ZYG11A: variants seen among roughly 807,000 people sequenced by gnomAD.
ZYG11A encodes the protein zyg-11 family member A, cell cycle regulator, also known as protein zyg-11 homolog A.
ZYG11A carries 62 observed loss-of-function variants against 77.2 expected under a neutral mutation model. The ratio of observed to expected loss-of-function variants is 0.80; its 90% CI spans 0.65 to 0.99. ZYG11A has a LOEUF of 0.99. Ranked by LOEUF, ZYG11A falls within the 50% of genes least tolerant of loss-of-function variation. The pLI is 0.00. For synonymous variants in ZYG11A, 315 were observed against 324.6 expected (o/e 0.97, Z 0.32); for missense variants, 828 against 896.8 (o/e 0.92, Z 0.98).
At position 52,878,023 on chromosome 1, in the gene ZYG11A, CTT is replaced by C. The variant is rs557026598; in HGVS notation, c.1749+55_1749+56del. On this transcript the variant is annotated intron_variant, in intron 10 of 13. Transcript: ENST00000371528. ...AATTGCTTAAAAGCAAAACCTAACA[CTT>C]ATATAGTACCTACTATATGCTAGGC... The C allele has an allele frequency of 2.8e-4, 405 of 1,424,494 alleles. 9 individuals are homozygous for C. In the South Asian group the frequency reaches 4.7e-3, roughly 16 times the overall value. 88.2% of individuals were successfully genotyped at this position (1,424,494 alleles called of 1,614,324 possible).
At chr1:52,855,142 A>T (rs1249607817) in intron 2 of ZYG11A, among the ~76,000 whole-genome samples, 1 of 150,206 alleles carries the variant, frequency 6.7e-6, no homozygotes, top group Non-Finnish European at 1.5e-5. Flanking sequence ...GATTACAGAC[A>T]TGAGCCACTG....
chr1:52,865,397 T>A (rs1646006450), intron 5 of ZYG11A, among the ~76,000 whole-genome samples: 1 of 152,216 alleles, frequency 6.6e-6, no homozygotes, highest in Non-Finnish European at 1.5e-5. Flanking sequence ...ATCAAAAGAT[T>A]TGAACACTTT....
At chr1:52,866,839 T>G (rs1646036378) in intron 6 of ZYG11A, among the ~76,000 whole-genome samples, 1 of 152,218 alleles carries the variant, frequency 6.6e-6, no homozygotes, top group Admixed American at 6.5e-5. Flanking sequence ...TTTCCTCATT[T>G]GTAAAATAGT....
Position 52,857,526 on chromosome 1 carries a change from A to G in ZYG11A, c.785A>G (p.Asp262Gly), listed in dbSNP as rs756548728. Reference sequence around the variant, plus strand: ...GAACTTAAATGTCTGCTTCACCTTGATATTTCTGATCACAGGCAACTCAAA... The same window carrying G: ...GAACTTAAATGTCTGCTTCACCTTGGTATTTCTGATCACAGGCAACTCAAA... ...IRELKCLLHL[D>G]ISDHRQLKSD... The change falls in exon 3 of 14, where the codon GAT (aspartate) becomes GGT (glycine). Residue 262 changes from aspartate to glycine, a missense_variant. Asp to Gly is a moderately conservative substitution (Grantham distance 94). Transcript: ENST00000371528. 6.4e-7 allele frequency: 1 copy of G among 1,552,136 alleles called. No homozygotes were observed. Among genetic ancestry groups the G allele is most frequent in the South Asian group, 1.2e-5 (1 of 84,062 alleles).
chr1:52,861,235 CTT>C (rs1389789289), intron 4 of ZYG11A, among the ~76,000 whole-genome samples: 1 of 152,118 alleles, frequency 6.6e-6, no homozygotes, highest in Non-Finnish European at 1.5e-5. Context: ...TATAGCCAAA[CTT>C]AGCTTTGGTT....
At chr1:52,884,139 C>T (rs1156866026) in intron 11 of ZYG11A, among the ~76,000 whole-genome samples, 1 of 151,546 alleles carries the variant, frequency 6.6e-6, no homozygotes, top group African/African-American at 2.4e-5. Context: ...CTCGGCCTCC[C>T]AAAGTGCTGG....
chr1:52,874,124 G>A (rs562920588), intron 8 of ZYG11A, among the ~76,000 whole-genome samples: 98,857 of 151,954 alleles, frequency 0.65, 33,295 homozygotes, highest in African/African-American at 0.79. Flanking sequence ...TTGATCAGTC[G>A]GCCACCATCT....
intron 10 of ZYG11A, among the ~76,000 whole-genome samples, chr1:52,879,568 A>G (rs1391149804): frequency 6.6e-6 from 1 of 151,856 alleles, no homozygotes; most frequent in African/African-American, 2.4e-5. Context: ...GATTATTTAT[A>G]ATGTAATCAA....
intron 8 of ZYG11A, among the ~76,000 whole-genome samples, chr1:52,873,690 T>G (rs1001805814): frequency 1.3e-5 from 2 of 152,082 alleles, no homozygotes; most frequent in Non-Finnish European, 2.9e-5. Flanking sequence ...ACTCCAAATT[T>G]GAAAGAAGTT....
chr1:52,845,635 ATTTTTTT>A (rs34141053), intron 1 of ZYG11A, among the ~76,000 whole-genome samples: 1 of 139,298 alleles, frequency 7.2e-6, no homozygotes, highest in African/African-American at 2.7e-5. Flanking sequence ...TTATTTTTGA[ATTTTTTT>A]TTTTTTTTTT....
chr1:52,855,228 G>A lies in ZYG11A; in HGVS notation c.256+598G>A, dbSNP rs541781651. Among the ~76,000 whole-genome samples, 9 of 151,826 alleles carry A rather than the reference G, an allele frequency of 5.9e-5. No individual in the cohort carries two copies. The East Asian group carries it at 1.7e-3, about 29-fold the overall frequency. On this transcript the variant is annotated intron_variant, in intron 2 of 13. Coordinates refer to ENST00000371528, the MANE Select transcript of ZYG11A (RefSeq NM_001004339.3). Reference sequence around the variant, plus strand: ...TTACCATTCTTTTCATTATGGTTATGAGTCTTACCTCCCATTGTAGCTGGG... The same window carrying A: ...TTACCATTCTTTTCATTATGGTTATAAGTCTTACCTCCCATTGTAGCTGGG...
Position 52,847,428 on chromosome 1 carries a change from G to A in ZYG11A, c.90+4455G>A, listed in dbSNP as rs369464993. Among the ~76,000 whole-genome samples, 5 of 151,514 alleles carry A rather than the reference G, an allele frequency of 3.3e-5. No homozygotes were observed. In the South Asian group the frequency reaches 8.3e-4, roughly 25 times the overall value. On this transcript the variant is annotated intron_variant, in intron 1 of 13. Transcript: ENST00000371528. The stretch of plus-strand genomic sequence containing the variant: ...TTGGTCAGGCTGGTCTCGAACTGCC[G>A]ACCTCAGGTGATCGGCCCGCCTTGG...
Position 52,877,804 on chromosome 1 carries a change from T to C in ZYG11A, c.1665T>C (p.Ile555=), listed in dbSNP as rs1646288215. The change falls in exon 9 of 14, where the codon ATT becomes ATC. Residue 555 remains isoleucine, a synonymous_variant. Transcript: ENST00000371528. ...DGSPAACKHF[I]ENQGLQIFIQ... is the part of the protein sequence containing the mutation. ...CTCCAGCTGCCTGCAAGCACTTCAT[T>C]GAAAATCAAGGATTGCAAATCTTCA... 4 of 1,551,654 alleles carry C rather than the reference T, an allele frequency of 2.6e-6. No homozygotes were observed. Among genetic ancestry groups the C allele is most frequent in the Non-Finnish European group, 3.5e-6 (4 of 1,146,976 alleles).
intron 8 of ZYG11A, among the ~76,000 whole-genome samples, chr1:52,873,273 A>G (rs751178792): frequency 1.3e-5 from 2 of 152,238 alleles, no homozygotes; most frequent in Non-Finnish European, 2.9e-5. Flanking sequence ...TGATTGTGCC[A>G]TTGCACTCCA....
chr1:52,880,294 A>G (rs7537076), intron 10 of ZYG11A, among the ~76,000 whole-genome samples: 8 of 152,006 alleles, frequency 5.3e-5, no homozygotes, highest in East Asian at 1.9e-4. Flanking sequence ...TTAGTGTCCT[A>G]TGTGCCTCAA....
intron 13 of ZYG11A, among the ~76,000 whole-genome samples, chr1:52,889,761 G>T (rs1461011430): frequency 1.3e-5 from 2 of 149,982 alleles, no homozygotes; most frequent in Admixed American, 6.7e-5. Flanking sequence ...ACCCAGGCTG[G>T]AGTGCAGTGG....
intron 2 of ZYG11A, among the ~76,000 whole-genome samples, chr1:52,855,367 T>G (rs1254080313): frequency 1.3e-5 from 2 of 152,014 alleles, no homozygotes; most frequent in Admixed American, 1.3e-4. Context: ...TTTTTGTATT[T>G]TTAGTAGAGA....
intron 8 of ZYG11A, among the ~76,000 whole-genome samples, chr1:52,875,201 C>G (rs2150013036): frequency 6.6e-6 from 1 of 152,162 alleles, no homozygotes; most frequent in East Asian, 1.9e-4. Context: ...ACAGAGTTGA[C>G]CATTGGATTT....
At chr1:52,885,937 T>C in intron 12 of ZYG11A, 43 bp downstream of exon 12, 1 of 1,398,110 alleles carries the variant, frequency 7.2e-7, no homozygotes, top group Non-Finnish European at 9.7e-7. Context: ...TTTTTTCTTC[T>C]TTTTTTTATT....
Sources: allele counts gnomAD v4.1 joint callset (sites outside exome capture counted in the v4.1 genomes callset), GRCh38; gene constraint gnomAD v4.1.1; transcripts MANE v1.5; gene names NCBI Gene and HGNC (gene_info 2026-07-23, HGNC 2026-07-21).